The following CPA6 variants were observed in gnomAD, a reference collection of about 807,000 sequenced individuals.
The protein encoded by CPA6 is carboxypeptidase B.
A neutral mutation model predicts 63.3 loss-of-function variants in CPA6; 58 were observed. The ratio of observed to expected loss-of-function variants is 0.92; its 90% CI spans 0.74 to 1.14. The LOEUF is 1.14. CPA6 is among the 50% of genes most tolerant of loss of function. The pLI is 0.00. For synonymous variants in CPA6, 185 were observed against 179.0 expected, an observed-to-expected ratio of 1.03 and a Z score of -0.27; for missense variants, 565 against 526.6, an observed-to-expected ratio of 1.07 and a Z score of -0.71.
chr8:67,632,170 GT>G lies in CPA6; in HGVS notation c.117-7920del, dbSNP rs1815353410. ...ATGCTGTGTGTGTGTGTGTGTGTGT[GT>G]GTGTGTGTGTGTTTTCTCAGAGACA... On this transcript the variant is annotated intron_variant, in intron 1 of 10. Transcript: ENST00000297770. 2.0e-5 allele frequency among the ~76,000 whole-genome samples: 3 copies of G among 151,844 alleles called. No individual in the cohort carries two copies. In the East Asian group the frequency reaches 5.8e-4, roughly 29 times the overall value.
chr8:67,464,194 T>C (rs1292001151), intron 8 of CPA6, among the ~76,000 whole-genome samples: 1 of 152,210 alleles, frequency 6.6e-6, no homozygotes, highest in Non-Finnish European at 1.5e-5. Flanking sequence ...ATTATTATTT[T>C]TTAATAGCCA....
chr8:67,710,639 G>T (rs561118273), intron 1 of CPA6, among the ~76,000 whole-genome samples: 10 of 151,824 alleles, frequency 6.6e-5, no homozygotes, highest in Admixed American at 1.3e-4. Flanking sequence ...AACTTCAAAA[G>T]GGAGGGGGTA....
chr8:67,683,512 T>C (rs558415638), intron 1 of CPA6, among the ~76,000 whole-genome samples: 1 of 152,244 alleles, frequency 6.6e-6, no homozygotes, highest in East Asian at 1.9e-4. Flanking sequence ...CAATTCAAAC[T>C]CCTACTCTGA....
At chr8:67,556,736 G>A (rs1431476932) in intron 2 of CPA6, among the ~76,000 whole-genome samples, 1 of 152,236 alleles carries the variant, frequency 6.6e-6, no homozygotes, top group Non-Finnish European at 1.5e-5. Flanking sequence ...TCAGACTTTG[G>A]TGAACTTAGA....
chr8:67,453,431 A>AAACGTTTAATTCTCAGAAT (rs1810599821), intron 8 of CPA6, among the ~76,000 whole-genome samples: 1 of 152,216 alleles, frequency 6.6e-6, no homozygotes, highest in Admixed American at 6.5e-5. Flanking sequence ...AGTGAAGGTC[A>AAACGTTTAATTCTCAGAAT]GGAGTTCATT....
At chr8:67,511,039 G>A (rs1385475120) in intron 4 of CPA6, among the ~76,000 whole-genome samples, 2 of 152,142 alleles carry the variant, frequency 1.3e-5, no homozygotes, top group Admixed American at 1.3e-4. Context: ...AGTAAAGGAT[G>A]TGACAGTGTG....
intron 1 of CPA6, among the ~76,000 whole-genome samples, chr8:67,701,506 T>C (rs1349486511): frequency 2.6e-5 from 4 of 152,238 alleles, no homozygotes; most frequent in Non-Finnish European, 5.9e-5. Context: ...TCAAAATCTT[T>C]AGAGAACAAA....
At chr8:67,472,194 A>G (rs1811073381) in intron 8 of CPA6, among the ~76,000 whole-genome samples, 2 of 152,064 alleles carry the variant, frequency 1.3e-5, no homozygotes, top group Non-Finnish European at 2.9e-5. Context: ...ACCTGCTGAA[A>G]CAGGGACAAT....
chr8:67,452,435 C>T (rs1441570979), intron 8 of CPA6: 2 of 152,218 alleles, frequency 1.3e-5, no homozygotes, highest in Non-Finnish European at 2.9e-5. Flanking sequence ...TTCTATTAGT[C>T]CCTTAAATGA....
rs73266614 is a variant in CPA6 at position 67,517,341 on chromosome 8, A to G, written c.317+582T>C. ...AGCCTCACTCCCTCTTCCCTGGACTAGTGTTTCCTATCCCCTTCACCCCGC... is the reference window on the plus strand; with the variant it reads ...AGCCTCACTCCCTCTTCCCTGGACTGGTGTTTCCTATCCCCTTCACCCCGC... On this transcript the variant is annotated intron_variant, in intron 3 of 10. Coordinates refer to ENST00000297770, the MANE Select transcript of CPA6 (RefSeq NM_020361.5). Among the ~76,000 whole-genome samples the G allele has an allele frequency of 4.1e-3, 626 of 152,100 alleles. 6 individuals carry two copies. Among genetic ancestry groups the G allele is most frequent in the African/African-American group, 0.015 (605 of 41,488 alleles).
chr8:67,565,153 C>T (rs1263948054), intron 2 of CPA6, among the ~76,000 whole-genome samples: 5 of 127,792 alleles, frequency 3.9e-5, no homozygotes, highest in East Asian at 2.3e-4. Context: ...TATGCCACAG[C>T]GTTTTTCTTT....
intron 1 of CPA6, among the ~76,000 whole-genome samples, chr8:67,654,439 C>A (rs1300001061): frequency 6.6e-6 from 1 of 152,162 alleles, no homozygotes; most frequent in Admixed American, 6.5e-5. Context: ...TTGGTCTATT[C>A]AGAGATTCAA....
At chr8:67,573,051 T>C (rs1813526384) in intron 2 of CPA6, among the ~76,000 whole-genome samples, 2 of 152,174 alleles carry the variant, frequency 1.3e-5, no homozygotes, top group South Asian at 4.1e-4. Flanking sequence ...ATGCAAAAAA[T>C]GCATTTGACA....
chr8:67,466,567 G>T (rs895068590), intron 8 of CPA6, among the ~76,000 whole-genome samples: 5 of 152,010 alleles, frequency 3.3e-5, no homozygotes, highest in African/African-American at 1.2e-4. Context: ...ATTAATTTGG[G>T]CTTTCTAACT....
At chr8:67,644,346 C>T (rs994622984) in intron 1 of CPA6, among the ~76,000 whole-genome samples, 4 of 152,174 alleles carry the variant, frequency 2.6e-5, no homozygotes, top group Admixed American at 2.0e-4. Flanking sequence ...TCTCGATCTC[C>T]TGACCTCGTG....
At chr8:67,632,136 T>G (rs1270189179) in intron 1 of CPA6, among the ~76,000 whole-genome samples, 1 of 139,916 alleles carries the variant, frequency 7.1e-6, no homozygotes, top group Non-Finnish European at 1.5e-5. Flanking sequence ...TGTAAACCTT[T>G]AAAAAATGAT....
chr8:67,477,488 C>T (rs1811268531), intron 8 of CPA6, among the ~76,000 whole-genome samples: 1 of 151,964 alleles, frequency 6.6e-6, no homozygotes, highest in South Asian at 2.1e-4. Flanking sequence ...CTCCAGGATC[C>T]CAGATAATTT....
chr8:67,472,027 G>A lies in CPA6; in HGVS notation c.838+11741C>T, dbSNP rs1429227524. Reference sequence around the variant, plus strand: ...GCTGGAGGAAAATTATCAGAGAGATGTATTTTGTTATCAGTGAAATCAGAA... The same window carrying A: ...GCTGGAGGAAAATTATCAGAGAGATATATTTTGTTATCAGTGAAATCAGAA... On this transcript the variant is annotated intron_variant, in intron 8 of 10. Coordinates refer to ENST00000297770, the MANE Select transcript of CPA6 (RefSeq NM_020361.5). Among the ~76,000 whole-genome samples the A allele has an allele frequency of 2.0e-5, 3 of 152,170 alleles. No individual in the cohort carries two copies. The East Asian group carries it at 5.8e-4, about 29-fold the overall frequency.
chr8:67,637,981 T>TGTGTGTGTGTGTG (rs1563372142), intron 1 of CPA6, among the ~76,000 whole-genome samples: 1 of 146,572 alleles, frequency 6.8e-6, no homozygotes, highest in African/African-American at 2.6e-5. Flanking sequence ...GCTAGAAATT[T>TGTGTGTGTGTGTG]TGTGTGTGTG....
Sources: allele counts gnomAD v4.1 joint callset (sites outside exome capture counted in the v4.1 genomes callset), GRCh38; gene constraint gnomAD v4.1.1; transcripts MANE v1.5; gene names NCBI Gene and HGNC (gene_info 2026-07-23, HGNC 2026-07-21).